The following COL28A1 variants were observed in gnomAD, a reference collection of about 807,000 sequenced individuals.
COL28A1 encodes the protein collagen alpha-1(XXVIII) chain.
In COL28A1, 161 loss-of-function variants were observed where a neutral mutation model predicts 150.2. That is an observed-to-expected ratio of 1.07 (90% CI 0.94 to 1.22). COL28A1 has a LOEUF of 1.22. COL28A1 is among the 50% of genes most tolerant of loss of function. COL28A1 has a pLI of 0.00. For missense variants in COL28A1, 1,617 were observed against 1,388.3 expected (o/e 1.16, Z -2.62); for synonymous variants, 552 against 469.7 (o/e 1.18, Z -2.26).
upstream of COL28A1, among the ~76,000 whole-genome samples, chr7:7,539,260 T>G (rs1782745443): frequency 6.6e-6 from 1 of 152,098 alleles, no homozygotes; most frequent in Non-Finnish European, 1.5e-5. Flanking sequence ...CTGCTTCTGG[T>G]GAGGGCCATT....
chr7:7,426,740 C>A (rs958131216), intron 25 of COL28A1, among the ~76,000 whole-genome samples: 1 of 152,192 alleles, frequency 6.6e-6, no homozygotes, highest in Non-Finnish European at 1.5e-5. Flanking sequence ...TAGTCCCTGA[C>A]AATTTTAAAA....
chr7:7,434,808 T>C (rs571001820), intron 23 of COL28A1, among the ~76,000 whole-genome samples: 2 of 152,358 alleles, frequency 1.3e-5, no homozygotes, highest in Non-Finnish European at 2.9e-5. Context: ...GGCTTTTCTG[T>C]ACTGGATTCA....
intron 25 of COL28A1, among the ~76,000 whole-genome samples, chr7:7,424,550 C>T (rs958431077): frequency 2.6e-5 from 4 of 152,172 alleles, no homozygotes; most frequent in African/African-American, 9.7e-5. Context: ...CTGGACATAG[C>T]TTCCCACGCA....
At position 7,524,269 on chromosome 7, in the gene COL28A1, GA is replaced by G; in HGVS notation, c.682-21del. 1.5e-6 allele frequency: 2 copies of G among 1,290,856 alleles called. No individual in the cohort carries two copies. Among genetic ancestry groups the G allele is most frequent in the Non-Finnish European group, 2.3e-6 (2 of 885,850 alleles). The allele number at this position is 1,290,856 out of a possible 1,614,324, so 80.0% of individuals were successfully genotyped here. ...GATATCCTACAAGGGAAAAAAGAATGAAGCATTAACTCGATTGATAGTTCTG... is the reference window on the plus strand; with the variant it reads ...GATATCCTACAAGGGAAAAAAGAATGAGCATTAACTCGATTGATAGTTCTG... On this transcript the variant is annotated intron_variant, in intron 3 of 34. Coordinates refer to ENST00000399429, the MANE Select transcript of COL28A1 (RefSeq NM_001037763.3).
In COL28A1 at chr7:7,436,375, A is replaced by G. The variant is rs752641160; in HGVS notation, c.1860+20T>C. The G allele has an allele frequency of 1.8e-6, 2 of 1,138,046 alleles. No homozygotes were observed. The highest frequency in any genetic ancestry group is 2.7e-6 in the Non-Finnish European group (2 of 745,932). The allele number at this position is 1,138,046 out of a possible 1,614,324, so 70.5% of individuals were successfully genotyped here. The stretch of plus-strand genomic sequence containing the variant: ...TTATTTCAGATACAGAAAAACAAAA[A>G]GAACATGAATAAAGCATACCTTTGG... On this transcript the variant is annotated intron_variant, in intron 23 of 34. Coordinates refer to ENST00000399429, the MANE Select transcript of COL28A1 (RefSeq NM_001037763.3).
chr7:7,439,586 C>T (rs1785604693), intron 21 of COL28A1, among the ~76,000 whole-genome samples: 1 of 152,116 alleles, frequency 6.6e-6, no homozygotes, highest in African/African-American at 2.4e-5. Context: ...TAACATATGG[C>T]AATTCTTCAC....
chr7:7,524,000 C>A (rs1781886358), intron 4 of COL28A1, among the ~76,000 whole-genome samples: 1 of 152,214 alleles, frequency 6.6e-6, no homozygotes, highest in Non-Finnish European at 1.5e-5. Flanking sequence ...TCTAAAATCA[C>A]TCCTGGAGTC....
rs182504748 is a variant in COL28A1 at position 7,533,053 on chromosome 7, T to A, written c.-37-141A>T. ...TCATATTTCTAGAAAAATATTCACA[T>A]TGAGATTTTGAAAGATTTCAATCCA... is the stretch of plus-strand genomic sequence containing the variant. On this transcript the variant is annotated intron_variant, in intron 1 of 34. Coordinates refer to ENST00000399429, the MANE Select transcript of COL28A1 (RefSeq NM_001037763.3). 1.2e-4 allele frequency: 121 copies of A among 969,478 alleles called. 1 individual carries two copies. In the African/African-American group the frequency reaches 1.8e-3, roughly 15 times the overall value. 60.1% of individuals were successfully genotyped at this position (969,478 alleles called of 1,614,324 possible).
intron 27 of COL28A1, among the ~76,000 whole-genome samples, chr7:7,387,314 C>T (rs997260086): frequency 6.6e-6 from 1 of 151,872 alleles, no homozygotes; most frequent in Non-Finnish European, 1.5e-5. Context: ...AAACTGCATA[C>T]TAAAAAGAGT....
chr7:7,415,284 A>C (rs1434292873), intron 27 of COL28A1, among the ~76,000 whole-genome samples: 1 of 151,450 alleles, frequency 6.6e-6, no homozygotes, highest in Non-Finnish European at 1.5e-5. Flanking sequence ...AGGGGTAGGA[A>C]ATAAGTCAAC....
At chr7:7,503,725 T>C (rs1396328579) in intron 11 of COL28A1, among the ~76,000 whole-genome samples, 1 of 152,182 alleles carries the variant, frequency 6.6e-6, no homozygotes, top group Non-Finnish European at 1.5e-5. Flanking sequence ...AATCTCCAGC[T>C]AACAGATCCA....
Position 7,524,232 on chromosome 7 carries a change from C to T in COL28A1, c.699G>A (p.Lys233=). 1 of 1,348,448 alleles carries T rather than the reference C, an allele frequency of 7.4e-7. No individual in the cohort carries two copies. The highest frequency in any genetic ancestry group is 1.1e-6 in the Non-Finnish European group (1 of 937,772). The allele number at this position is 1,348,448 out of a possible 1,614,324, so 83.5% of individuals were successfully genotyped here. Residue 233 remains lysine, a synonymous_variant, in exon 4 of 35, where the codon AAG becomes AAA. Transcript: ENST00000399429. ...AATCAAAGCATGTGGTGCTTACCTT[C>T]TTTTCAAATAAGATATCCTACAAGG... ...IQDRLDILFE[K]KCERKICECE...
chr7:7,374,733 G>C (rs1037049886), intron 31 of COL28A1, among the ~76,000 whole-genome samples: 6 of 152,104 alleles, frequency 3.9e-5, no homozygotes, highest in Non-Finnish European at 8.8e-5. Flanking sequence ...GCCATGTCTA[G>C]ATTGGTCTCT....
Position 7,453,492 on chromosome 7 carries a change from A to G in COL28A1, c.1388T>C (p.Ile463Thr). ...SQGEQGIQGP[I>T]GPPGPQGPAG... ...GGGCCCTTGTGGACCAGGTGGACCA[A>G]TAGGACCTTGGATTCCCTTTAAAAT... Residue 463 changes from isoleucine to threonine, a missense_variant, in exon 17 of 35, where the codon ATT becomes ACT. Coordinates refer to ENST00000399429, the MANE Select transcript of COL28A1 (RefSeq NM_001037763.3). The G allele has an allele frequency of 8.5e-7, 1 of 1,175,132 alleles. No individual in the cohort carries two copies. The highest frequency in any genetic ancestry group is 1.3e-6 in the Non-Finnish European group (1 of 786,500). The allele number at this position is 1,175,132 out of a possible 1,614,324, so 72.8% of individuals were successfully genotyped here. A position where few individuals can be genotyped will look rare whatever the true frequency, so the allele number is the denominator to read the frequency against.
intron 15 of COL28A1, among the ~76,000 whole-genome samples, chr7:7,467,833 T>C (rs1457229601): frequency 2.1e-5 from 3 of 142,276 alleles, no homozygotes; most frequent in Non-Finnish European, 4.5e-5. Flanking sequence ...ACATGGAAAC[T>C]GAACAACCTG....
At chr7:7,443,138 CAT>C (rs1785943178) in intron 20 of COL28A1, among the ~76,000 whole-genome samples, 1 of 151,972 alleles carries the variant, frequency 6.6e-6, no homozygotes, top group Admixed American at 6.6e-5. Context: ...CTCATCTTAA[CAT>C]ATAAAAATGT....
the COL28A1 span, among the ~76,000 whole-genome samples, chr7:7,342,128 C>T: frequency 6.6e-6 from 1 of 152,058 alleles, no homozygotes; most frequent in South Asian, 2.1e-4. Flanking sequence ...TTATTAGATA[C>T]ATACAAGTTT....
intron 13 of COL28A1, among the ~76,000 whole-genome samples, chr7:7,479,329 G>A (rs1376813705): frequency 1.3e-5 from 2 of 152,164 alleles, no homozygotes; most frequent in African/African-American, 4.8e-5. Flanking sequence ...GGCATAAAAT[G>A]TTCTATTCCA....
At chr7:7,425,560 G>C (rs181825191) in intron 25 of COL28A1, among the ~76,000 whole-genome samples, 1 of 152,252 alleles carries the variant, frequency 6.6e-6, no homozygotes, top group African/African-American at 2.4e-5. Context: ...ACTCCAATGT[G>C]TTAATTGACT....
Sources: gnomAD v4.1 joint callset for allele counts (sites outside exome capture counted in the v4.1 genomes callset) on GRCh38, gnomAD v4.1.1 for gene constraint, MANE v1.5 for transcripts, NCBI Gene and HGNC (gene_info 2026-07-23, HGNC 2026-07-21) for gene names.